Variants in CRYBA4 observed in about 807,000 individuals in gnomAD.
CRYBA4 encodes the protein beta-crystallin A4.
In CRYBA4, 30 loss-of-function variants were observed where a neutral mutation model predicts 31.7. The observed-to-expected ratio is 0.95, with a 90% CI of 0.71 to 1.28. The LOEUF (loss-of-function observed/expected upper bound fraction) is 1.28, where lower values mean the gene tolerates loss of function less well. CRYBA4 is among the 50% of genes most tolerant of loss of function. The pLI, the probability that CRYBA4 is intolerant of heterozygous loss-of-function variation, is 0.00. For synonymous variants in CRYBA4, 102 were observed against 102.3 expected, an observed-to-expected ratio of 1.00 and a Z score of 0.02; for missense variants, 225 against 260.7, an observed-to-expected ratio of 0.86 and a Z score of 0.94.
the CRYBA4 span, among the ~76,000 whole-genome samples, chr22:26,605,872 G>T: frequency 6.6e-6 from 1 of 152,038 alleles, no homozygotes; most frequent in Non-Finnish European, 1.5e-5. Flanking sequence ...TGGTGGCCTG[G>T]ACCAGGACTG....
chr22:26,617,144 A>G (rs1929383052), upstream of CRYBA4, among the ~76,000 whole-genome samples: 2 of 152,166 alleles, frequency 1.3e-5, no homozygotes, highest in South Asian at 4.1e-4. Context: ...TATTTACTGC[A>G]TGTGGAGGGT....
chr22:26,615,073 C>T, the CRYBA4 span, among the ~76,000 whole-genome samples: 1 of 152,092 alleles, frequency 6.6e-6, no homozygotes, highest in South Asian at 2.1e-4. Flanking sequence ...GTGCATATTG[C>T]ATTATTAGAA....
the CRYBA4 span, among the ~76,000 whole-genome samples, chr22:26,605,565 T>G: frequency 1.3e-5 from 2 of 149,822 alleles, no homozygotes; most frequent in East Asian, 4.0e-4. Context: ...TCCCAGCTAC[T>G]TGGGAGGCTG....
At chr22:26,612,750 G>T in the CRYBA4 span, among the ~76,000 whole-genome samples, 4 of 152,162 alleles carry the variant, frequency 2.6e-5, no homozygotes, top group African/African-American at 7.2e-5. Flanking sequence ...TGCCTGGAAT[G>T]CCTTCTCCAC....
Position 26,630,338 on chromosome 22 carries a change from A to G in CRYBA4, c.444-2A>G. ...TAACTGTCTGCCTTTTCTCTTTTCC[A>G]GCTGGGTTTGCTCCCAGTTTCCGGG... On this transcript the variant is annotated splice_acceptor_variant, in intron 5 of 5. Coordinates refer to ENST00000354760, the MANE Select transcript of CRYBA4 (RefSeq NM_001886.3). LOFTEE classifies it high-confidence loss of function. 4.3e-6 allele frequency: 7 copies of G among 1,614,160 alleles called. No individual in the cohort carries two copies. The highest frequency in any genetic ancestry group is 5.9e-6 in the Non-Finnish European group (7 of 1,179,996).
the CRYBA4 span, among the ~76,000 whole-genome samples, chr22:26,602,672 A>T: frequency 6.6e-6 from 1 of 152,306 alleles, no homozygotes; most frequent in East Asian, 1.9e-4. Context: ...ATTGATCAAC[A>T]TCACACAGCC....
the CRYBA4 span, among the ~76,000 whole-genome samples, chr22:26,605,887 AG>A: frequency 3.3e-5 from 5 of 152,132 alleles, no homozygotes; most frequent in Non-Finnish European, 7.4e-5. Context: ...GGACTGTGGC[AG>A]GGCAGAGAGA....
intron 5 of CRYBA4, among the ~76,000 whole-genome samples, chr22:26,629,949 G>A (rs1302306450): frequency 6.6e-6 from 1 of 151,544 alleles, no homozygotes; most frequent in Non-Finnish European, 1.5e-5. Flanking sequence ...AAACATACAC[G>A]TTCCTACACT....
At chr22:26,592,444 G>A in the CRYBA4 span, among the ~76,000 whole-genome samples, 2 of 152,242 alleles carry the variant, frequency 1.3e-5, no homozygotes, top group Non-Finnish European at 2.9e-5. Context: ...GTCCAGGGAG[G>A]GAGGGCCAGG....
chr22:26,616,176 G>T, the CRYBA4 span: 4 of 1,614,086 alleles, frequency 2.5e-6, no homozygotes, highest in African/African-American at 1.3e-5. Flanking sequence ...CCGCCTTGGC[G>T]CTGGTAATAG....
chr22:26,625,366 G>T (rs1355664347), intron 3 of CRYBA4, 115 bp from the exon 4 acceptor site: 18 of 1,226,026 alleles, frequency 1.5e-5, no homozygotes, highest in African/African-American at 1.2e-4. Context: ...TGTTTCCTGG[G>T]GGCACAGTCA....
chr22:26,616,194 T>A, the CRYBA4 span: 17 of 1,614,054 alleles, frequency 1.1e-5, no homozygotes, highest in Non-Finnish European at 1.4e-5. Context: ...TAGGCACGGT[T>A]GTTGGGGCCA....
intron 4 of CRYBA4, among the ~76,000 whole-genome samples, chr22:26,627,512 CTTTCTTTCTT>C (rs1477335186): frequency 6.8e-5 from 6 of 88,078 alleles, no homozygotes; most frequent in Admixed American, 5.6e-4. Flanking sequence ...TTCTTTCTTT[CTTTCTTTCTT>C]TCTCTTTCTT....
intron 3 of CRYBA4, among the ~76,000 whole-genome samples, chr22:26,623,783 A>G (rs1315040647): frequency 5.3e-5 from 8 of 152,300 alleles, no homozygotes; most frequent in African/African-American, 1.9e-4. Flanking sequence ...AAAAAAATTA[A>G]AAAACAAAAA....
the CRYBA4 span, chr22:26,611,977 G>A: frequency 1.7e-5 from 15 of 896,484 alleles, no homozygotes; most frequent in Non-Finnish European, 2.4e-5. Context: ...ACGAACGGCC[G>A]CAGGCACAGA....
At chr22:26,610,500 C>CA in the CRYBA4 span, among the ~76,000 whole-genome samples, 748 of 152,112 alleles carry the variant, frequency 4.9e-3, 3 homozygotes, top group African/African-American at 0.017. Flanking sequence ...TCACTGGTAC[C>CA]AAAAAAAGCC....
In CRYBA4 at chr22:26,623,275, C is replaced by T. The variant is rs138148141; in HGVS notation, c.81C>T (p.His27=). Residue 27 remains histidine, a synonymous_variant, in exon 3 of 6, where the codon CAC becomes CAT. Transcript: ENST00000354760. ...AGGACGGCTTCCAGGGCCGGCGGCA[C>T]GAGTTCACGGCCGAGTGCCCCAGCG... The part of the protein sequence containing the change: ...WDEDGFQGRR[H]EFTAECPSVL... 8.1e-6 allele frequency: 13 copies of T among 1,613,912 alleles called. No homozygotes were observed. The highest frequency in any genetic ancestry group is 3.3e-5 in the Admixed American group (2 of 60,022).
chr22:26,620,723 C>T (rs899225933), upstream of CRYBA4, among the ~76,000 whole-genome samples: 11 of 152,136 alleles, frequency 7.2e-5, no homozygotes, highest in Middle Eastern at 3.4e-3. Flanking sequence ...GCGCTACTCC[C>T]GGCTAATTTT....
At chr22:26,591,739 T>TC in the CRYBA4 span, among the ~76,000 whole-genome samples, 1 of 77,026 alleles carries the variant, frequency 1.3e-5, no homozygotes, top group Non-Finnish European at 2.5e-5. Context: ...AGACTCCGTC[T>TC]CAAAAAAAAA....
Sources: allele counts gnomAD v4.1 joint callset (sites outside exome capture counted in the v4.1 genomes callset), GRCh38; gene constraint gnomAD v4.1.1; transcripts MANE v1.5; gene names NCBI Gene and HGNC (gene_info 2026-07-23, HGNC 2026-07-21).